EPS8: variants seen among roughly 807,000 people sequenced by gnomAD.
EPS8 encodes the protein epidermal growth factor receptor kinase substrate 8.
EPS8 carries 42 observed loss-of-function variants against 103.8 expected under a neutral mutation model. That is an observed-to-expected ratio of 0.40 (90% CI 0.32 to 0.52). The LOEUF is 0.52. EPS8 is among the 20% of genes least tolerant of loss of function. The pLI is 0.40. For missense variants in EPS8, 969 were observed against 1,005.1 expected, an observed-to-expected ratio of 0.96 and a Z score of 0.49; for synonymous variants, 344 against 344.6, an observed-to-expected ratio of 1.00 and a Z score of 0.02.
rs373876404 is a variant in EPS8, at chr12:15,775,538, A to G, written c.-22+13623T>C. ...CAGTACCAGTATATGTAGAAAAACA[A>G]TACAAAATGTGAATATCATTACATT... is the stretch of plus-strand genomic sequence containing the variant. On this transcript the variant is annotated intron_variant, in intron 1 of 20. Transcript: ENST00000281172. 1.1e-4 allele frequency among the ~76,000 whole-genome samples: 16 copies of G among 152,326 alleles called. No individual in the cohort carries two copies. The East Asian group carries it at 2.1e-3, about 20-fold the overall frequency.
At position 15,701,880 on chromosome 12, in the gene EPS8, A is replaced by G. The variant is rs1041935893; in HGVS notation, c.-21-18908T>C. Among the ~76,000 whole-genome samples, 1 of 152,162 alleles carries G rather than the reference A, an allele frequency of 6.6e-6. No homozygotes were observed. The highest frequency in any genetic ancestry group is 1.5e-5 in the Non-Finnish European group (1 of 68,014). ...GGATCTTGCTGTTTGTTTCCTCTTG[A>G]GTAATCTAGACTAAAAAGAGTTCAA... On this transcript the variant is annotated intron_variant, in intron 1 of 20. Coordinates refer to ENST00000281172, the MANE Select transcript of EPS8 (RefSeq NM_004447.6). The surrounding 1 kb of genome is among the most constrained non-coding windows in gnomAD (Gnocchi z 5.1).
intron 1 of EPS8, among the ~76,000 whole-genome samples, chr12:15,723,707 T>C (rs1477196511): frequency 6.6e-6 from 1 of 152,200 alleles, no homozygotes; most frequent in Admixed American, 6.5e-5. Context: ...CTGTTTATCT[T>C]TTTATAAATC....
In EPS8 at chr12:15,732,701, A is replaced by G. The variant is rs1489263307; in HGVS notation, c.-21-49729T>C. On this transcript the variant is annotated intron_variant, in intron 1 of 20. Transcript: ENST00000281172. ...TGTTTACTAAGAAACAACATTTCTT[A>G]AAGATGAAAAAGAATATGATTTGCA... The G allele has an allele frequency of 3.6e-6, 3 of 843,482 alleles. No homozygotes were observed. The African/African-American group carries it at 5.5e-5, about 16-fold the overall frequency. 52.2% of individuals were successfully genotyped at this position (843,482 alleles called of 1,614,324 possible).
At position 15,697,394 on chromosome 12, in the gene EPS8, G is replaced by A. The variant is rs1397130134; in HGVS notation, c.-21-14422C>T. ...AGCAGGAAGAGGAAGAGGCAGAACA[G>A]CAGCAGCAGCGGCAATGGCTCACAT... is the stretch of plus-strand genomic sequence containing the variant. On this transcript the variant is annotated intron_variant, in intron 1 of 20. Transcript: ENST00000281172. This position sits in a 1 kb window ranked among gnomAD's most constrained non-coding sequence, Gnocchi z 5.6. Among the ~76,000 whole-genome samples, 1 of 152,214 alleles carries A rather than the reference G, an allele frequency of 6.6e-6. No homozygotes were observed. Among genetic ancestry groups the A allele is most frequent in the Non-Finnish European group, 1.5e-5 (1 of 68,030 alleles).
Position 15,696,112 on chromosome 12 carries a change from A to C in EPS8, c.-21-13140T>G, listed in dbSNP as rs12297698. 0.012 allele frequency among the ~76,000 whole-genome samples: 1,818 copies of C among 152,338 alleles called. 82 individuals are homozygous for C. The highest frequency in any genetic ancestry group is 0.079 in the Admixed American group (1,214 of 15,282). On this transcript the variant is annotated intron_variant, in intron 1 of 20. Coordinates refer to ENST00000281172, the MANE Select transcript of EPS8 (RefSeq NM_004447.6). This position sits in a 1 kb window ranked among gnomAD's most constrained non-coding sequence, Gnocchi z 4.8. ...AATCCAGGATAATTAGTCTACCTTT[A>C]AAACAAAGAATTTATGCATTTATTG...
chr12:15,747,874 G>T lies in EPS8; in HGVS notation c.-22+41287C>A, dbSNP rs538558168. ...TCTCTACTAAAAATACAAAGAATTA[G>T]CCGGACGTGGTGGCAGGCACCTGTA... On this transcript the variant is annotated intron_variant, in intron 1 of 20. Coordinates refer to ENST00000281172, the MANE Select transcript of EPS8 (RefSeq NM_004447.6). The surrounding 1 kb of genome is among the most constrained non-coding windows in gnomAD (Gnocchi z 4.4). 6.6e-6 allele frequency among the ~76,000 whole-genome samples: 1 copy of T among 152,118 alleles called. No individual in the cohort carries two copies. The highest frequency in any genetic ancestry group is 1.9e-4 in the East Asian group (1 of 5,158).
At chr12:15,623,945 A>G (rs1158617766) in intron 19 of EPS8, among the ~76,000 whole-genome samples, 2 of 152,214 alleles carry the variant, frequency 1.3e-5, no homozygotes, top group African/African-American at 4.8e-5. Context: ...CTGATGGAGA[A>G]AAGAAGCTAC....
chr12:15,682,909 A>G lies in EPS8; in HGVS notation c.43T>C (p.Tyr15His). 1 of 1,560,448 alleles carries G rather than the reference A, an allele frequency of 6.4e-7. No homozygotes were observed. The highest frequency in any genetic ancestry group is 1.1e-5 in the South Asian group (1 of 87,340). ...TCAACTTACTTCATCTGAGATGGGT[A>G]CATTCCAAAACTACTGGGATGATTA... is the stretch of plus-strand genomic sequence containing the variant. ...ISNHPSSFGM[Y>H]PSQMNGYGSS... Residue 15 changes from tyrosine (Y) to histidine (H), a missense_variant, in exon 2 of 21, where the codon TAC (tyrosine) becomes CAC (histidine). Physicochemically the swap from Tyr to His is moderately conservative, Grantham distance 83. Coordinates refer to ENST00000281172, the MANE Select transcript of EPS8 (RefSeq NM_004447.6).
chr12:15,659,786 G>A (rs1039315089), intron 10 of EPS8, among the ~76,000 whole-genome samples: 7 of 152,132 alleles, frequency 4.6e-5, no homozygotes, highest in African/African-American at 1.7e-4. Flanking sequence ...TTATATAGCT[G>A]AGGCCATTTT....
At chr12:15,660,244 T>A (rs6488791) in intron 10 of EPS8, among the ~76,000 whole-genome samples, 150,933 of 152,080 alleles carry the variant, frequency 0.99, 74,910 homozygotes, top group East Asian at 1. Context: ...TAAGTAGTTC[T>A]TGAGGGTCAA....
At chr12:15,629,020 A>G (rs1944997613) in intron 18 of EPS8, among the ~76,000 whole-genome samples, 1 of 152,234 alleles carries the variant, frequency 6.6e-6, no homozygotes, top group African/African-American at 2.4e-5. Context: ...TATTTTTGAG[A>G]TATTTTAAAA....
intron 17 of EPS8, 195 bp from the exon 18 acceptor site, chr12:15,631,859 A>G (rs1945052668): frequency 2.0e-6 from 1 of 502,530 alleles, no homozygotes; most frequent in Admixed American, 3.6e-5. Context: ...ATTTGTTCAA[A>G]GTCAAAACAT....
rs1369330247 is a variant in EPS8, at chr12:15,717,555, C to G, written c.-21-34583G>C. On this transcript the variant is annotated intron_variant, in intron 1 of 20. Coordinates refer to ENST00000281172, the MANE Select transcript of EPS8 (RefSeq NM_004447.6). The surrounding 1 kb of genome is among the most constrained non-coding windows in gnomAD (Gnocchi z 4.3). ...TCAGCCGAGATCGTGCCATTGCACT[C>G]CAGCCTGGGTGACAGCACGAGACTC... is the stretch of plus-strand genomic sequence containing the variant. Among the ~76,000 whole-genome samples, 1 of 151,858 alleles carries G rather than the reference C, an allele frequency of 6.6e-6. No homozygotes were observed. Among genetic ancestry groups the G allele is most frequent in the Non-Finnish European group, 1.5e-5 (1 of 68,002 alleles).
rs1042432848 is a variant in EPS8 at position 15,695,468 on chromosome 12, T to C, written c.-21-12496A>G. 6.6e-6 allele frequency among the ~76,000 whole-genome samples: 1 copy of C among 152,212 alleles called. No homozygotes were observed. The highest frequency in any genetic ancestry group is 1.5e-5 in the Non-Finnish European group (1 of 68,028). On this transcript the variant is annotated intron_variant, in intron 1 of 20. Transcript: ENST00000281172. The surrounding 1 kb of genome is among the most constrained non-coding windows in gnomAD (Gnocchi z 5.0). ...TCAATACAGTAGCTGAGCACAAGTG[T>C]TGAGCACTTGAAATGTGGCTAGTGC...
At position 15,771,830 on chromosome 12, in the gene EPS8, A is replaced by G. The variant is rs1193422176; in HGVS notation, c.-22+17331T>C. Among the ~76,000 whole-genome samples the G allele has an allele frequency of 2.0e-5, 3 of 152,184 alleles. No homozygotes were observed. Among genetic ancestry groups the G allele is most frequent in the Non-Finnish European group, 4.4e-5 (3 of 68,020 alleles). On this transcript the variant is annotated intron_variant, in intron 1 of 20. Coordinates refer to ENST00000281172, the MANE Select transcript of EPS8 (RefSeq NM_004447.6). The surrounding 1 kb of genome is among the most constrained non-coding windows in gnomAD (Gnocchi z 4.6). ...AGTATTGAGAGCTAATTTCAATACA[A>G]AAGAAAGGGGAAGGCCGGGGGCGGT...
rs1210674808 is a variant in EPS8 at position 15,752,882 on chromosome 12, G to T, written c.-22+36279C>A. On this transcript the variant is annotated intron_variant, in intron 1 of 20. Coordinates refer to ENST00000281172, the MANE Select transcript of EPS8 (RefSeq NM_004447.6). This position sits in a 1 kb window ranked among gnomAD's most constrained non-coding sequence, Gnocchi z 4.4. ...CATTATCATAAAATCCTATGAGAAAGGCAAGGCAAGAACCATTACTTTCCT... is the reference window on the plus strand; with the variant it reads ...CATTATCATAAAATCCTATGAGAAATGCAAGGCAAGAACCATTACTTTCCT... Among the ~76,000 whole-genome samples the T allele has an allele frequency of 6.6e-6, 1 of 151,978 alleles. No individual in the cohort carries two copies. The highest frequency in any genetic ancestry group is 2.4e-5 in the African/African-American group (1 of 41,344).
chr12:15,713,479 T>C lies in EPS8; in HGVS notation c.-21-30507A>G, dbSNP rs886216508. On this transcript the variant is annotated intron_variant, in intron 1 of 20. Coordinates refer to ENST00000281172, the MANE Select transcript of EPS8 (RefSeq NM_004447.6). The surrounding 1 kb of genome is among the most constrained non-coding windows in gnomAD (Gnocchi z 4.8). ...TCAGCTGTGGCCAACACTGGAGCTA[T>C]GGGGATAATCACTGGAGTCTCTTCA... Among the ~76,000 whole-genome samples, 5 of 152,336 alleles carry C rather than the reference T, an allele frequency of 3.3e-5. No homozygotes were observed. Among genetic ancestry groups the C allele is most frequent in the East Asian group, 3.9e-4 (2 of 5,194 alleles).
rs1416701637 is a variant in EPS8, at chr12:15,641,749, G to A, written c.1650C>T (p.Leu550=). Residue 550 remains leucine, a synonymous_variant, in exon 16 of 21, where the codon CTC becomes CTT. Coordinates refer to ENST00000281172, the MANE Select transcript of EPS8 (RefSeq NM_004447.6). The part of the protein sequence containing the change: ...YDFVARNNSE[L]SVLKDDILEI... ...CTAAAATATCATCCTTTAGAACCGA[G>A]AGCTCACTGTTGTTCCTTGCTACAA... 1 of 1,584,840 alleles carries A rather than the reference G, an allele frequency of 6.3e-7. No homozygotes were observed. Among genetic ancestry groups the A allele is most frequent in the South Asian group, 1.2e-5 (1 of 86,072 alleles).
At position 15,693,170 on chromosome 12, in the gene EPS8, G is replaced by T. The variant is rs922101315; in HGVS notation, c.-21-10198C>A. 6.6e-6 allele frequency among the ~76,000 whole-genome samples: 1 copy of T among 152,064 alleles called. No homozygotes were observed. The highest frequency in any genetic ancestry group is 2.4e-5 in the African/African-American group (1 of 41,402). Reference sequence around the variant, plus strand: ...CAGACCCCAGCCATCAGTGTCTATCGGTCTTTTGCATAGATCAGTCAGGTT... The same window carrying T: ...CAGACCCCAGCCATCAGTGTCTATCTGTCTTTTGCATAGATCAGTCAGGTT... On this transcript the variant is annotated intron_variant, in intron 1 of 20. Transcript: ENST00000281172. This position sits in a 1 kb window ranked among gnomAD's most constrained non-coding sequence, Gnocchi z 5.6.
Sources: allele counts gnomAD v4.1 joint callset (sites outside exome capture counted in the v4.1 genomes callset), GRCh38; gene constraint gnomAD v4.1.1; non-coding constraint Gnocchi (gnomAD v3.1); transcripts MANE v1.5; gene names NCBI Gene and HGNC (gene_info 2026-07-23, HGNC 2026-07-21).